Variants in ARFIP1 observed in about 807,000 individuals in gnomAD.
ARFIP1 encodes the protein ARF interacting protein 1.
A neutral mutation model predicts 42.5 loss-of-function variants in ARFIP1; 24 were observed. The ratio of observed to expected loss-of-function variants is 0.57; its 90% CI spans 0.41 to 0.80. The LOEUF (loss-of-function observed/expected upper bound fraction) is 0.80. Ranked by LOEUF, ARFIP1 falls within the 30% of genes least tolerant of loss-of-function variation. The probability of loss-of-function intolerance (pLI) is 0.00; values close to 1 mark genes in which losing one functional copy is unlikely to be tolerated. For synonymous variants in ARFIP1, 141 were observed against 153.7 expected (o/e 0.92, Z 0.61); for missense variants, 354 against 434.0 (o/e 0.82, Z 1.64).
intron 1 of ARFIP1, among the ~76,000 whole-genome samples, chr4:152,794,737 T>C (rs1185710027): frequency 6.6e-6 from 1 of 152,200 alleles, no homozygotes; most frequent in Admixed American, 6.5e-5. Context: ...AATTTACTTA[T>C]CGTCTATTGT....
At chr4:152,843,734 C>T (rs1247254738) in intron 2 of ARFIP1, among the ~76,000 whole-genome samples, 3 of 152,134 alleles carry the variant, frequency 2.0e-5, no homozygotes, top group South Asian at 2.1e-4. Flanking sequence ...GCAGCTCGCA[C>T]GCAAACTGAA....
chr4:152,881,895 A>C (rs943599409), intron 6 of ARFIP1, among the ~76,000 whole-genome samples: 8 of 152,234 alleles, frequency 5.3e-5, no homozygotes, highest in African/African-American at 1.9e-4. Flanking sequence ...ATTTTAGTTA[A>C]TTTAATATTA....
intron 1 of ARFIP1, among the ~76,000 whole-genome samples, chr4:152,828,704 G>C (rs376376885): frequency 1.3e-5 from 2 of 152,234 alleles, no homozygotes; most frequent in African/African-American, 4.8e-5. Flanking sequence ...GTTTTCTGTG[G>C]AGCAGAAATC....
At chr4:152,829,952 G>A (rs1165886955) in intron 2 of ARFIP1, among the ~76,000 whole-genome samples, 1 of 152,076 alleles carries the variant, frequency 6.6e-6, no homozygotes, top group Non-Finnish European at 1.5e-5. Flanking sequence ...TTCAGTAATT[G>A]ATCAGCACAA....
At chr4:152,873,843 G>A (rs1268371206) in intron 5 of ARFIP1, among the ~76,000 whole-genome samples, 1 of 152,086 alleles carries the variant, frequency 6.6e-6, no homozygotes, top group Non-Finnish European at 1.5e-5. Context: ...TTTTAGAGTG[G>A]CATGAATCTG....
At chr4:152,888,039 A>T (rs1182007200) in intron 7 of ARFIP1, 94 bp from the exon 8 acceptor site, 6 of 839,162 alleles carry the variant, frequency 7.1e-6, no homozygotes, top group African/African-American at 1.8e-5. Flanking sequence ...ATTTTATTGT[A>T]TAGTATGAGA....
At chr4:152,812,831 CCTT>C (rs1181834601) in intron 1 of ARFIP1, among the ~76,000 whole-genome samples, 2 of 152,178 alleles carry the variant, frequency 1.3e-5, no homozygotes, top group Non-Finnish European at 2.9e-5. Context: ...CTAGATTCCT[CCTT>C]CTTTTTCATT....
At chr4:152,879,610 G>C (rs1352475780) in intron 5 of ARFIP1, among the ~76,000 whole-genome samples, 1 of 152,158 alleles carries the variant, frequency 6.6e-6, no homozygotes, top group Non-Finnish European at 1.5e-5. Flanking sequence ...AGCACTTTGG[G>C]AGGCCAAGAC....
intron 1 of ARFIP1, among the ~76,000 whole-genome samples, chr4:152,792,432 A>G (rs558708922): frequency 3.6e-4 from 55 of 152,170 alleles, no homozygotes; most frequent in Non-Finnish European, 1.0e-4. Flanking sequence ...TTCATATTCC[A>G]GTATGATGTG....
intron 1 of ARFIP1, among the ~76,000 whole-genome samples, chr4:152,828,976 TAC>T (rs1731054608): frequency 6.6e-6 from 1 of 152,196 alleles, no homozygotes. Flanking sequence ...TTGTGGAAAA[TAC>T]AGTCTTTTCA....
chr4:152,840,170 T>C (rs1731948680), intron 2 of ARFIP1, among the ~76,000 whole-genome samples: 1 of 152,254 alleles, frequency 6.6e-6, no homozygotes, highest in Non-Finnish European at 1.5e-5. Flanking sequence ...TAGCCTATCA[T>C]ATGGTCTATC....
At chr4:152,856,447 A>G (rs1733442658) in intron 2 of ARFIP1, among the ~76,000 whole-genome samples, 1 of 152,250 alleles carries the variant, frequency 6.6e-6, no homozygotes, top group African/African-American at 2.4e-5. Flanking sequence ...ATAACAATAC[A>G]ATTAAAAATA....
chr4:152,833,062 CTT>C (rs1179927967), intron 2 of ARFIP1, among the ~76,000 whole-genome samples: 1 of 152,042 alleles, frequency 6.6e-6, no homozygotes, highest in East Asian at 1.9e-4. Context: ...AAACTAAAAA[CTT>C]TCTGCACAGC....
intron 1 of ARFIP1, among the ~76,000 whole-genome samples, chr4:152,805,966 A>G (rs1239651382): frequency 6.6e-6 from 1 of 152,178 alleles, no homozygotes. Context: ...GCTTTCCCCA[A>G]CTTTGGTTGG....
rs1323568077 is a variant in ARFIP1, at chr4:152,863,719, G to A, written c.202+5G>A. On this transcript the variant is annotated splice_donor_5th_base_variant and intron_variant, in intron 3 of 8. Transcript: ENST00000353617. ...TTGAAGCAGGAGCATTTCAAGGTAA[G>A]AGCCCATATATTTGTAAAGATGGCT... 2 of 1,566,236 alleles carry A rather than the reference G, an allele frequency of 1.3e-6. No homozygotes were observed. The highest frequency in any genetic ancestry group is 1.8e-6 in the Non-Finnish European group (2 of 1,138,052).
At chr4:152,826,140 G>GA (rs1345177452) in intron 1 of ARFIP1, among the ~76,000 whole-genome samples, 1 of 152,096 alleles carries the variant, frequency 6.6e-6, no homozygotes, top group East Asian at 1.9e-4. Flanking sequence ...CTACCCAAAG[G>GA]AAAAAAAGTC....
intron 1 of ARFIP1, among the ~76,000 whole-genome samples, chr4:152,797,005 T>G (rs1731511473): frequency 6.6e-6 from 1 of 152,236 alleles, no homozygotes; most frequent in Non-Finnish European, 1.5e-5. Flanking sequence ...AAAAATTTTA[T>G]GTAGTCAATA....
At chr4:152,845,293 AC>A (rs1260712152) in intron 2 of ARFIP1, among the ~76,000 whole-genome samples, 1 of 152,168 alleles carries the variant, frequency 6.6e-6, no homozygotes, top group East Asian at 1.9e-4. Flanking sequence ...CTGGCCATTG[AC>A]CTTGGGAAAT....
chr4:152,845,532 T>C (rs1265860603), intron 2 of ARFIP1, among the ~76,000 whole-genome samples: 1 of 151,996 alleles, frequency 6.6e-6, no homozygotes, highest in African/African-American at 2.4e-5. Context: ...ATTAAACAAA[T>C]GGGCAAAAGA....
Sources: allele counts gnomAD v4.1 joint callset (sites outside exome capture counted in the v4.1 genomes callset), GRCh38; gene constraint gnomAD v4.1.1; transcripts MANE v1.5; gene names NCBI Gene and HGNC (gene_info 2026-07-23, HGNC 2026-07-21).